Variants in TAFA1 observed in about 807,000 individuals in gnomAD.
TAFA1 encodes chemokine-like protein TAFA-1.
A neutral mutation model predicts 18.5 loss-of-function variants in TAFA1; 4 were observed. The observed-to-expected ratio is 0.22, with a 90% confidence interval of 0.11 to 0.49. TAFA1 has a LOEUF of 0.49. TAFA1 is among the 20% of genes least tolerant of loss of function. The pLI is 0.98. For synonymous variants in TAFA1, 56 were observed against 55.2 expected (o/e 1.01, Z -0.06); for missense variants, 147 against 169.0 (o/e 0.87, Z 0.72).
At chr3:68,430,548 T>A (rs1035729936) in intron 3 of TAFA1, among the ~76,000 whole-genome samples, 1 of 151,956 alleles carries the variant, frequency 6.6e-6, no homozygotes, top group Non-Finnish European at 1.5e-5. Context: ...CGTAAATTAG[T>A]CAACTTAGAA....
chr3:68,404,673 T>C (rs938430421), intron 2 of TAFA1, among the ~76,000 whole-genome samples: 1 of 152,094 alleles, frequency 6.6e-6, no homozygotes, highest in Non-Finnish European at 1.5e-5. Context: ...GGCAGGTGCC[T>C]GTAATCCCAG....
intron 3 of TAFA1, among the ~76,000 whole-genome samples, chr3:68,485,975 T>TG (rs2072328565): frequency 6.6e-6 from 1 of 152,140 alleles, no homozygotes; most frequent in Non-Finnish European, 1.5e-5. Flanking sequence ...TCACCTAGGC[T>TG]GGAGTGCAGT....
chr3:68,089,978 C>CGAAGT (rs1432517518), intron 2 of TAFA1, among the ~76,000 whole-genome samples: 1 of 152,250 alleles, frequency 6.6e-6, no homozygotes, highest in East Asian at 1.9e-4. Context: ...CTCTTAAACA[C>CGAAGT]GAAGTGAATA....
At chr3:68,224,268 G>A (rs1456626855) in intron 2 of TAFA1, among the ~76,000 whole-genome samples, 2 of 152,006 alleles carry the variant, frequency 1.3e-5, no homozygotes, top group Non-Finnish European at 1.5e-5. Flanking sequence ...CTTCAAGTGG[G>A]TGTCTTCCAC....
intron 2 of TAFA1, among the ~76,000 whole-genome samples, chr3:68,031,562 G>A (rs1200301474): frequency 6.6e-6 from 1 of 152,178 alleles, no homozygotes; most frequent in African/African-American, 2.4e-5. Context: ...CTCGTTTGTG[G>A]AGGAGATGGC....
chr3:68,036,167 A>C (rs1705042715), intron 2 of TAFA1, among the ~76,000 whole-genome samples: 1 of 152,184 alleles, frequency 6.6e-6, no homozygotes, highest in Non-Finnish European at 1.5e-5. Context: ...ACAGCCAGGC[A>C]CGCTGTCTCA....
At chr3:68,426,475 C>T (rs1428521477) in intron 3 of TAFA1, among the ~76,000 whole-genome samples, 1 of 151,716 alleles carries the variant, frequency 6.6e-6, no homozygotes, top group African/African-American at 2.4e-5. Flanking sequence ...AAGTAGTTCA[C>T]TGAAAGAAAT....
chr3:68,508,584 G>C (rs1250814461), intron 3 of TAFA1, among the ~76,000 whole-genome samples: 2 of 151,960 alleles, frequency 1.3e-5, no homozygotes, highest in Non-Finnish European at 2.9e-5. Flanking sequence ...AAGATTTTTG[G>C]CTCCTCTGTG....
intron 2 of TAFA1, among the ~76,000 whole-genome samples, chr3:68,042,484 T>C (rs1386954136): frequency 6.6e-6 from 1 of 152,132 alleles, no homozygotes; most frequent in African/African-American, 2.4e-5. Flanking sequence ...GCCCTGTCTC[T>C]ACTAAATTAA....
intron 3 of TAFA1, among the ~76,000 whole-genome samples, chr3:68,462,210 C>G (rs1466468431): frequency 6.6e-6 from 1 of 152,028 alleles, no homozygotes; most frequent in Non-Finnish European, 1.5e-5. Flanking sequence ...TAAAATTTGG[C>G]AAACATAATA....
intron 2 of TAFA1, among the ~76,000 whole-genome samples, chr3:68,052,686 T>G (rs563115622): frequency 5.5e-4 from 84 of 152,334 alleles, no homozygotes; most frequent in Non-Finnish European, 9.7e-4. Flanking sequence ...CCAGCAAATA[T>G]TTATTGTTTC....
Position 68,267,685 on chromosome 3 carries a change from T to A in TAFA1, c.119-149595T>A, listed in dbSNP as rs973997285. On this transcript the variant is annotated intron_variant, in intron 2 of 4. Coordinates refer to ENST00000478136, the MANE Select transcript of TAFA1 (RefSeq NM_213609.4). ...GTTATTTGAAGGATTCTTTTTTTTT[T>A]AATATTTAAGGGAATGAAAAGATAT... 4.6e-5 allele frequency among the ~76,000 whole-genome samples: 7 copies of A among 152,144 alleles called. 1 individual carries two copies. Among genetic ancestry groups the A allele is most frequent in the Admixed American group, 3.3e-4 (5 of 15,266 alleles).
chr3:68,385,589 C>T (rs558077888), intron 2 of TAFA1, among the ~76,000 whole-genome samples: 40 of 152,132 alleles, frequency 2.6e-4, no homozygotes, highest in African/African-American at 8.9e-4. Context: ...CCGCATGAAG[C>T]ACTTAGTGCA....
At position 68,417,188 on chromosome 3, in the gene TAFA1, A is replaced by G. The variant is rs116695708; in HGVS notation, c.119-92A>G. 6.1e-4 allele frequency: 588 copies of G among 967,696 alleles called. 3 individuals are homozygous for G. In the African/African-American group the frequency reaches 8.7e-3, roughly 14 times the overall value. 59.9% of individuals were successfully genotyped at this position (967,696 alleles called of 1,614,324 possible). ...GGAAACTGTTTCTATAATTTCAATT[A>G]CTTTCCTCAACCCCGCTACATGCAC... On this transcript the variant is annotated intron_variant, in intron 2 of 4. Transcript: ENST00000478136.
chr3:68,267,759 A>C (rs2067576941), intron 2 of TAFA1, among the ~76,000 whole-genome samples: 2 of 151,636 alleles, frequency 1.3e-5, no homozygotes, highest in Non-Finnish European at 2.9e-5. Context: ...GTCTTATATG[A>C]CTCTATGCAT....
chr3:68,167,491 G>A (rs1045570883), intron 2 of TAFA1, among the ~76,000 whole-genome samples: 13 of 151,358 alleles, frequency 8.6e-5, no homozygotes, highest in Non-Finnish European at 1.6e-4. Flanking sequence ...GCAGGAGAAT[G>A]GCCTGGACCT....
At chr3:68,287,415 A>T (rs570177596) in intron 2 of TAFA1, among the ~76,000 whole-genome samples, 14 of 152,262 alleles carry the variant, frequency 9.2e-5, no homozygotes, top group African/African-American at 3.1e-4. Context: ...CCTTGAGAGA[A>T]CAGATGAGTT....
At chr3:68,008,792 T>C (rs930617570) in intron 2 of TAFA1, among the ~76,000 whole-genome samples, 1 of 151,826 alleles carries the variant, frequency 6.6e-6, no homozygotes. Context: ...AACTAGTGAG[T>C]GGCACGTGGT....
chr3:68,321,030 T>C (rs2068690776), intron 2 of TAFA1, among the ~76,000 whole-genome samples: 1 of 152,210 alleles, frequency 6.6e-6, no homozygotes, highest in African/African-American at 2.4e-5. Context: ...TATTACAGAA[T>C]GGGCTTCAAG....
Sources: gnomAD v4.1 joint callset for allele counts (sites outside exome capture counted in the v4.1 genomes callset) on GRCh38, gnomAD v4.1.1 for gene constraint, MANE v1.5 for transcripts, NCBI Gene and HGNC (gene_info 2026-07-23, HGNC 2026-07-21) for gene names.